Variants in SPESP1 observed in about 807,000 individuals in gnomAD.
The protein encoded by SPESP1 is sperm equatorial segment protein 1.
SPESP1 carries 1 observed loss-of-function variant against 3.1 expected under a neutral mutation model. The observed-to-expected ratio is 0.33, with a 90% CI of 0.12 to 1.54. The LOEUF (loss-of-function observed/expected upper bound fraction) is 1.54. Ranked by LOEUF, SPESP1 falls within the 40% of genes most tolerant of loss-of-function variation. The probability of loss-of-function intolerance (pLI) is 0.38; values close to 1 mark genes in which losing one functional copy is unlikely to be tolerated. For synonymous variants in SPESP1, 138 were observed against 150.7 expected (o/e 0.92, Z 0.62); for missense variants, 398 against 410.1 (o/e 0.97, Z 0.26).
intron 1 of SPESP1, among the ~76,000 whole-genome samples, chr15:68,937,488 T>A (rs2140421529): frequency 6.6e-6 from 1 of 152,288 alleles, no homozygotes; most frequent in East Asian, 1.9e-4. Flanking sequence ...ACTTATTATT[T>A]TTTTTCTTTA....
intron 1 of SPESP1, among the ~76,000 whole-genome samples, chr15:68,943,432 C>T (rs1033988987): frequency 1.3e-5 from 2 of 152,108 alleles, no homozygotes; most frequent in African/African-American, 4.8e-5. Context: ...GACCTCCAGA[C>T]GTGTGGTATC....
intron 1 of SPESP1, among the ~76,000 whole-genome samples, chr15:68,934,766 CT>C (rs565103428): frequency 1.3e-3 from 187 of 147,992 alleles, no homozygotes; most frequent in Middle Eastern, 7.0e-3. Context: ...AAAATATTTT[CT>C]TTTTTTTTTA....
chr15:68,941,028 A>G (rs1595720235), intron 1 of SPESP1, among the ~76,000 whole-genome samples: 1 of 151,906 alleles, frequency 6.6e-6, no homozygotes, highest in Non-Finnish European at 1.5e-5. Flanking sequence ...TTCATGGCCA[A>G]TGCTATACTA....
rs1440144964 is a variant in SPESP1 at position 68,946,022 on chromosome 15, C to T, written c.488C>T (p.Pro163Leu). ...CAAACTGAGGCACCAAGAATGTTGC[C>T]AGTTGTTACTGAATCATCTACAAGT... ...AKQTEAPRMLPVVTESSTSPY... is the reference protein window; with the variant it reads ...AKQTEAPRMLLVVTESSTSPY... Residue 163 changes from proline to leucine, a missense_variant, in exon 2 of 2, where the codon CCA becomes CTA. Coordinates refer to ENST00000310673, the MANE Select transcript of SPESP1 (RefSeq NM_145658.4). 6.2e-7 allele frequency: 1 copy of T among 1,614,132 alleles called. No homozygotes were observed. Among genetic ancestry groups the T allele is most frequent in the East Asian group, 2.2e-5 (1 of 44,880 alleles).
chr15:68,932,549 G>A (rs1010574430), intron 1 of SPESP1, among the ~76,000 whole-genome samples: 1 of 151,888 alleles, frequency 6.6e-6, no homozygotes, highest in African/African-American at 2.4e-5. Flanking sequence ...CGCCACTACC[G>A]CCTGGCTAAT....
intron 1 of SPESP1, among the ~76,000 whole-genome samples, chr15:68,936,580 A>ATT (rs2140420627): frequency 6.6e-6 from 1 of 152,264 alleles, no homozygotes; most frequent in African/African-American, 2.4e-5. Context: ...TGGGAAATGG[A>ATT]TTTTACTGTG....
rs781441244 is a variant in SPESP1 at position 68,945,989 on chromosome 15, C to A, written c.455C>A (p.Ala152Asp). 1.9e-6 allele frequency: 3 copies of A among 1,614,054 alleles called. No individual in the cohort carries two copies. The Admixed American group carries it at 5.0e-5, about 27-fold the overall frequency. The change falls in exon 2 of 2, where the codon GCT becomes GAT. Residue 152 changes from alanine to aspartate, a missense_variant. By Grantham distance (126) the Ala-to-Asp change is moderately radical (BLOSUM62 -2). Coordinates refer to ENST00000310673, the MANE Select transcript of SPESP1 (RefSeq NM_145658.4). Reference sequence around the variant, plus strand: ...GAGCCAGAGCCAGAGCCGGAGCCAGCTGCAAAACAAACTGAGGCACCAAGA... The same window carrying A: ...GAGCCAGAGCCAGAGCCGGAGCCAGATGCAAAACAAACTGAGGCACCAAGA... ...NEEPEPEPEP[A>D]AKQTEAPRML...
chr15:68,931,871 A>G (rs967291518), intron 1 of SPESP1, among the ~76,000 whole-genome samples: 6 of 152,204 alleles, frequency 3.9e-5, no homozygotes, highest in African/African-American at 1.2e-4. Flanking sequence ...AATAAATACA[A>G]TTTAACAGGT....
intron 1 of SPESP1, 98 bp downstream of exon 1, chr15:68,930,815 C>G: frequency 6.4e-7 from 1 of 1,570,754 alleles, no homozygotes; most frequent in Non-Finnish European, 8.7e-7. Flanking sequence ...TCTCCCTGGT[C>G]CTACATGCCT....
Position 68,943,074 on chromosome 15 carries a change from GGTGTGTGT to G in SPESP1, c.65-2508_65-2501del, listed in dbSNP as rs367666234. ...TAATGGTTTACTATATTAAATGATT[GGTGTGTGT>G]GTGTGTGTGTGTGTGTATGTGTGTG... On this transcript the variant is annotated intron_variant, in intron 1 of 1. Transcript: ENST00000310673. 2.7e-5 allele frequency among the ~76,000 whole-genome samples: 4 copies of G among 147,738 alleles called. 1 individual carries two copies. The highest frequency in any genetic ancestry group is 6.8e-5 in the Admixed American group (1 of 14,804).
In SPESP1 at chr15:68,938,925, A is replaced by G. The variant is rs572475559; in HGVS notation, c.65-6674A>G. Among the ~76,000 whole-genome samples, 3 of 152,380 alleles carry G rather than the reference A, an allele frequency of 2.0e-5. No individual in the cohort carries two copies. The East Asian group carries it at 5.8e-4, about 29-fold the overall frequency. On this transcript the variant is annotated intron_variant, in intron 1 of 1. Transcript: ENST00000310673. The stretch of plus-strand genomic sequence containing the variant: ...CCTGGCACATAGTGATCATTCAATC[A>G]GTGGAAGCTATTAGGATCTTTTAAA...
chr15:68,946,261 A>G lies in SPESP1; in HGVS notation c.727A>G (p.Ser243Gly). ...INSQVQQALL[S>G]DTSNPAYRED... ...TTCACAAGTGCAACAGGCACTTCTT[A>G]GTGACACCAGCAACCCAGCATATAG... The change falls in exon 2 of 2, where the codon AGT (serine) becomes GGT (glycine). Residue 243 changes from serine to glycine, a missense_variant. Physicochemically the swap from Ser to Gly is moderately conservative, Grantham distance 56. Coordinates refer to ENST00000310673, the MANE Select transcript of SPESP1 (RefSeq NM_145658.4). 1 of 1,614,124 alleles carries G rather than the reference A, an allele frequency of 6.2e-7. No individual in the cohort carries two copies. The highest frequency in any genetic ancestry group is 8.5e-7 in the Non-Finnish European group (1 of 1,180,020).
At position 68,945,773 on chromosome 15, in the gene SPESP1, A is replaced by T; in HGVS notation, c.239A>T (p.His80Leu). 1 of 1,614,064 alleles carries T rather than the reference A, an allele frequency of 6.2e-7. No homozygotes were observed. The highest frequency in any genetic ancestry group is 8.5e-7 in the Non-Finnish European group (1 of 1,179,982). ...KGSKFKELVT[H>L]GDASTENDVL... ...TCAAAATTTAAGGAGCTAGTTACAC[A>T]TGGAGACGCTTCAACTGAGAATGAT... is the stretch of plus-strand genomic sequence containing the variant. The change falls in exon 2 of 2, where the codon CAT becomes CTT. Residue 80 changes from histidine (H) to leucine (L), a missense_variant. By Grantham distance (99) the His-to-Leu change is moderately conservative (BLOSUM62 -3). Coordinates refer to ENST00000310673, the MANE Select transcript of SPESP1 (RefSeq NM_145658.4).
chr15:68,937,125 G>A (rs1437032274), intron 1 of SPESP1, among the ~76,000 whole-genome samples: 1 of 152,172 alleles, frequency 6.6e-6, no homozygotes, highest in Admixed American at 6.5e-5. Context: ...ATAACATGAA[G>A]TCTAGTTTTC....
rs1336926595 is a variant in SPESP1, at chr15:68,930,527, T to G, written c.-127T>G. 7.5e-7 allele frequency: 1 copy of G among 1,329,592 alleles called. No homozygotes were observed. Among genetic ancestry groups the G allele is most frequent in the East Asian group, 2.4e-5 (1 of 41,996 alleles). 82.4% of individuals were successfully genotyped at this position (1,329,592 alleles called of 1,614,324 possible). A position where few individuals can be genotyped will look rare whatever the true frequency, so the allele number is the denominator to read the frequency against. ...GCGCTTGCGCGCTGGGGACAACCGT[T>G]GCTGGGTGTCCCAGGGCCTGAGGCA... On this transcript the variant is annotated 5_prime_UTR_variant, in exon 1 of 2. Coordinates refer to ENST00000310673, the MANE Select transcript of SPESP1 (RefSeq NM_145658.4).
chr15:68,946,620 A>G lies in SPESP1; in HGVS notation c.*33A>G. On this transcript the variant is annotated 3_prime_UTR_variant, in exon 2 of 2. Transcript: ENST00000310673. ...TATAAAAATTTTAAACCTACTTGAT[A>G]TTCCATAACAAAGCTGATTTAAGCA... 1 of 1,402,176 alleles carries G rather than the reference A, an allele frequency of 7.1e-7. No homozygotes were observed. Among genetic ancestry groups the G allele is most frequent in the Non-Finnish European group, 9.3e-7 (1 of 1,080,920 alleles). The allele number at this position is 1,402,176 out of a possible 1,614,324, so 86.9% of individuals were successfully genotyped here. A position where few individuals can be genotyped will look rare whatever the true frequency, so the allele number is the denominator to read the frequency against.
intron 1 of SPESP1, among the ~76,000 whole-genome samples, chr15:68,932,167 C>T (rs966235099): frequency 3.6e-4 from 55 of 152,142 alleles, no homozygotes; most frequent in African/African-American, 1.3e-3. Context: ...TTCTTGATGT[C>T]TGATGATCAT....
chr15:68,940,143 T>C (rs564956344), intron 1 of SPESP1, among the ~76,000 whole-genome samples: 9 of 152,326 alleles, frequency 5.9e-5, no homozygotes, highest in Admixed American at 1.3e-4. Context: ...CAGTAGTTTT[T>C]GGGGAACAGG....
chr15:68,941,859 A>G (rs962050501), intron 1 of SPESP1, among the ~76,000 whole-genome samples: 3 of 152,168 alleles, frequency 2.0e-5, no homozygotes, highest in African/African-American at 4.8e-5. Flanking sequence ...ATGTATATAT[A>G]TAATGCCAGG....
Sources: allele counts gnomAD v4.1 joint callset (sites outside exome capture counted in the v4.1 genomes callset), GRCh38; gene constraint gnomAD v4.1.1; transcripts MANE v1.5; gene names NCBI Gene and HGNC (gene_info 2026-07-23, HGNC 2026-07-21).